ST7L: variants seen among roughly 807,000 people sequenced by gnomAD.
ST7L encodes suppressor of tumorigenicity 7 protein-like.
A neutral mutation model predicts 72.5 loss-of-function variants in ST7L; 57 were observed. The observed-to-expected ratio is 0.79, with a 90% CI of 0.64 to 0.98. ST7L has a LOEUF of 0.98. Among genes scored for constraint, ST7L ranks in the 50% least tolerant of loss-of-function variants. ST7L has a pLI of 0.00. For synonymous variants in ST7L, 221 were observed against 240.9 expected, an observed-to-expected ratio of 0.92 and a Z score of 0.77; for missense variants, 576 against 672.2, an observed-to-expected ratio of 0.86 and a Z score of 1.58.
intron 6 of ST7L, among the ~76,000 whole-genome samples, chr1:112,585,798 T>G (rs886932702): frequency 6.6e-6 from 1 of 152,178 alleles, no homozygotes; most frequent in Non-Finnish European, 1.5e-5. Flanking sequence ...TAATTTCACC[T>G]ATTTCTTTTT....
chr1:112,576,095 CA>C (rs753921291), intron 11 of ST7L, among the ~76,000 whole-genome samples: 4 of 151,838 alleles, frequency 2.6e-5, no homozygotes, highest in Non-Finnish European at 4.4e-5. Context: ...TGTAGAACCC[CA>C]ATTTTTTTTT....
intron 14 of ST7L, chr1:112,539,781 AG>A (rs1394802015): frequency 1.0e-6 from 1 of 985,300 alleles, no homozygotes; most frequent in African/African-American, 1.7e-5. Context: ...ATTGGTTTGC[AG>A]GAACTTTCAG....
intron 1 of ST7L, chr1:112,617,962 AC>A (rs1294525445): frequency 1.5e-6 from 2 of 1,299,188 alleles, no homozygotes; most frequent in East Asian, 1.1e-4. Context: ...TGAACTTGAT[AC>A]CTATCCTCCA....
At chr1:112,615,169 A>AT (rs1363011804) in intron 2 of ST7L, among the ~76,000 whole-genome samples, 1 of 151,708 alleles carries the variant, frequency 6.6e-6, no homozygotes, top group Non-Finnish European at 1.5e-5. Context: ...TAATTTTTGT[A>AT]TTTTTTTGAA....
intron 9 of ST7L, among the ~76,000 whole-genome samples, chr1:112,580,368 G>A (rs1389965563): frequency 3.9e-5 from 6 of 152,116 alleles, no homozygotes; most frequent in African/African-American, 1.4e-4. Flanking sequence ...GCTCAAGCTG[G>A]TCTTCAACTT....
At chr1:112,557,705 T>C (rs1330645746) in intron 11 of ST7L, among the ~76,000 whole-genome samples, 1 of 152,122 alleles carries the variant, frequency 6.6e-6, no homozygotes, top group Admixed American at 6.6e-5. Flanking sequence ...TGACTTGATA[T>C]TTACAGATAG....
At chr1:112,542,592 A>T (rs76639195) in intron 13 of ST7L, among the ~76,000 whole-genome samples, 2,832 of 151,982 alleles carry the variant, frequency 0.019, 71 homozygotes, top group East Asian at 0.094. Flanking sequence ...AAAAATTTTT[A>T]AAAATTTTAA....
chr1:112,556,760 G>A (rs1659178110), intron 11 of ST7L, among the ~76,000 whole-genome samples: 1 of 151,868 alleles, frequency 6.6e-6, no homozygotes, highest in Non-Finnish European at 1.5e-5. Flanking sequence ...GTGAGGTCAG[G>A]AAATCGAGAT....
downstream of ST7L, chr1:112,520,592 C>G (rs1001043773): frequency 3.2e-5 from 44 of 1,375,526 alleles, no homozygotes; most frequent in Admixed American, 8.6e-4. Flanking sequence ...CCTTCCTCCA[C>G]CCTCCACCCT....
chr1:112,572,290 G>GTTC, intron 11 of ST7L, among the ~76,000 whole-genome samples: 1 of 152,264 alleles, frequency 6.6e-6, no homozygotes, highest in Non-Finnish European at 1.5e-5. Flanking sequence ...AGTAAGCACT[G>GTTC]GCTTCAACTT....
At chr1:112,578,546 CG>C (rs1275624908) in intron 9 of ST7L, 129 bp from the exon 10 acceptor site, 4 of 767,272 alleles carry the variant, frequency 5.2e-6, no homozygotes, top group Middle Eastern at 3.7e-4. Flanking sequence ...GAGGCTGAGG[CG>C]GGTGGATCAT....
chr1:112,537,030 C>G (rs1655324708), intron 14 of ST7L, among the ~76,000 whole-genome samples: 1 of 151,672 alleles, frequency 6.6e-6, no homozygotes, highest in African/African-American at 2.4e-5. Flanking sequence ...GAGTCTCACT[C>G]TGTTACCCAG....
At chr1:112,576,941 G>T in intron 11 of ST7L, 45 bp downstream of exon 11, 1 of 1,437,680 alleles carries the variant, frequency 7.0e-7, no homozygotes, top group South Asian at 1.2e-5. Context: ...TCATCAATTT[G>T]ATAAACTTAA....
At chr1:112,594,971 T>C (rs1166276068) in intron 5 of ST7L, among the ~76,000 whole-genome samples, 3 of 152,178 alleles carry the variant, frequency 2.0e-5, no homozygotes, top group Non-Finnish European at 1.5e-5. Flanking sequence ...GGAAGTGTGA[T>C]ACCAGACTCT....
intron 13 of ST7L, among the ~76,000 whole-genome samples, chr1:112,543,667 G>C (rs1047038923): frequency 2.6e-5 from 4 of 152,042 alleles, no homozygotes; most frequent in African/African-American, 9.7e-5. Context: ...TCAGGGGTTT[G>C]AGATCAGCTT....
At chr1:112,570,840 G>A (rs1661986122) in intron 11 of ST7L, 1 of 441,898 alleles carries the variant, frequency 2.3e-6, no homozygotes. Context: ...ATATTATTCA[G>A]GTTGGTGAAG....
intron 12 of ST7L, among the ~76,000 whole-genome samples, chr1:112,555,635 TA>T (rs1658988666): frequency 6.6e-6 from 1 of 152,240 alleles, no homozygotes; most frequent in Non-Finnish European, 1.5e-5. Flanking sequence ...ATATGTAACT[TA>T]AATTAACATA....
Position 112,550,588 on chromosome 1 carries a change from AAT to A in ST7L, c.1489+11_1489+12del, listed in dbSNP as rs1657946300. The A allele has an allele frequency of 6.3e-7, 1 of 1,593,832 alleles. No homozygotes were observed. Among genetic ancestry groups the A allele is most frequent in the South Asian group, 1.1e-5 (1 of 89,796 alleles). On this transcript the variant is annotated intron_variant, in intron 13 of 14. Coordinates refer to ENST00000358039, the MANE Select transcript of ST7L (RefSeq NM_017744.5). ...CTACTTTTAAGTTTAAGAAAACTAA[AAT>A]ATTTACTTACTAGGTAATAGCTCTC...
At chr1:112,530,198 A>T (rs1654144064) in intron 14 of ST7L, 1 of 152,198 alleles carries the variant, frequency 6.6e-6, no homozygotes, top group African/African-American at 2.4e-5. Flanking sequence ...TTGTTGTTCA[A>T]ATAGTTTATC....
Sources: gnomAD v4.1 joint callset for allele counts (sites outside exome capture counted in the v4.1 genomes callset) on GRCh38, gnomAD v4.1.1 for gene constraint, MANE v1.5 for transcripts, NCBI Gene and HGNC (gene_info 2026-07-23, HGNC 2026-07-21) for gene names.